Variants in DAGLA observed in about 807,000 individuals in gnomAD.
DAGLA encodes diacylglycerol lipase-alpha.
Under a neutral mutation model 102.6 loss-of-function variants are expected in DAGLA, and 22 were observed. That is an observed-to-expected ratio of 0.21 (90% CI 0.15 to 0.31). The LOEUF is 0.31. DAGLA is among the 10% of genes least tolerant of loss of function. The pLI is 1.00. For missense variants in DAGLA, 927 were observed against 1,446.6 expected, an observed-to-expected ratio of 0.64 and a Z score of 5.83; for synonymous variants, 578 against 628.9, an observed-to-expected ratio of 0.92 and a Z score of 1.21.
At chr11:61,712,955 C>T (rs1161950392) in intron 1 of DAGLA, among the ~76,000 whole-genome samples, 1 of 152,168 alleles carries the variant, frequency 6.6e-6, no homozygotes, top group Non-Finnish European at 1.5e-5. Flanking sequence ...TTCGTGCAAA[C>T]CATTTTGCCT....
At chr11:61,736,222 C>A (rs1346972913) in intron 12 of DAGLA, 48 bp from the exon 13 acceptor site, 2 of 1,514,464 alleles carry the variant, frequency 1.3e-6, no homozygotes, top group South Asian at 1.1e-5. Flanking sequence ...GTTTGCTGGT[C>A]ACTGGGAGGC....
intron 1 of DAGLA, among the ~76,000 whole-genome samples, chr11:61,703,675 A>AT (rs1565250373): frequency 3.2e-5 from 4 of 124,488 alleles, no homozygotes; most frequent in African/African-American, 1.2e-4. Context: ...TGGAGGATGG[A>AT]GGAATGGATG....
intron 5 of DAGLA, among the ~76,000 whole-genome samples, chr11:61,725,135 G>A (rs1174339781): frequency 6.6e-6 from 1 of 152,172 alleles, no homozygotes; most frequent in Non-Finnish European, 1.5e-5. Context: ...CTTTTAAGGG[G>A]CCGCACATGG....
rs1275483065 is a variant in DAGLA, at chr11:61,745,919, GT to G, written c.*1432del. On this transcript the variant is annotated 3_prime_UTR_variant, in exon 20 of 20. Transcript: ENST00000257215. ...ACAAGCTCAGCTTTAGGCACCATCT[GT>G]TCCCATCGCGCCTGCTGCTGTGACC... The G allele has an allele frequency of 6.6e-6, 1 of 152,434 alleles. No homozygotes were observed. Among genetic ancestry groups the G allele is most frequent in the African/African-American group, 2.4e-5 (1 of 41,454 alleles). The allele number at this position is 152,434 out of a possible 1,614,324, so 9.4% of individuals were successfully genotyped here.
chr11:61,696,069 T>TC (rs1343867025), intron 1 of DAGLA, among the ~76,000 whole-genome samples: 3 of 152,118 alleles, frequency 2.0e-5, no homozygotes, highest in Non-Finnish European at 2.9e-5. Context: ...CTCCTCCCTG[T>TC]CCCCACCACC....
rs1206104277 is a variant in DAGLA, at chr11:61,735,923, AAG to A, written c.1290+111_1290+112del. On this transcript the variant is annotated intron_variant, in intron 12 of 19. Transcript: ENST00000257215. ...CCTCCCTGCTCGCTGGGCTCACTGG[AAG>A]AGATTGGTCAGAGAGGCATGAATTA... 3.6e-6 allele frequency: 4 copies of A among 1,097,132 alleles called. No homozygotes were observed. In the East Asian group the frequency reaches 1.0e-4, roughly 28 times the overall value. 68.0% of individuals were successfully genotyped at this position (1,097,132 alleles called of 1,614,324 possible).
intron 9 of DAGLA, 42 bp downstream of exon 9, chr11:61,731,483 TCCCGGGTGGTGTGTGAGGAAG>T: frequency 1.2e-6 from 2 of 1,606,828 alleles, no homozygotes; most frequent in Non-Finnish European, 1.7e-6. Flanking sequence ...GCACCTCTCC[TCCCGGGTGGTGTGTGAGGAAG>T]GGCTACCGGG....
At chr11:61,736,120 C>A in intron 12 of DAGLA, 150 bp from the exon 13 acceptor site, 1 of 664,510 alleles carries the variant, frequency 1.5e-6, no homozygotes. Context: ...GTGACAGGAT[C>A]AGCGTGTCTG....
intron 3 of DAGLA, among the ~76,000 whole-genome samples, chr11:61,722,327 T>A (rs1469381491): frequency 6.6e-6 from 1 of 152,214 alleles, no homozygotes; most frequent in African/African-American, 2.4e-5. Flanking sequence ...GGCTCATGCC[T>A]GTAATCCCAG....
intron 1 of DAGLA, among the ~76,000 whole-genome samples, chr11:61,695,559 C>T (rs2065058341): frequency 6.6e-6 from 1 of 152,234 alleles, no homozygotes; most frequent in South Asian, 2.1e-4. Flanking sequence ...GAGCCTCCCA[C>T]CCCGCTCCAG....
In DAGLA at chr11:61,734,809, G is replaced by C; in HGVS notation, c.975-40G>C. 1 of 1,584,128 alleles carries C rather than the reference G, an allele frequency of 6.3e-7. No individual in the cohort carries two copies. Among genetic ancestry groups the C allele is most frequent in the Non-Finnish European group, 8.6e-7 (1 of 1,158,364 alleles). ...TGGCAGGAGACATTTGTTCCCTCGGGGACTCCCTGGCCCTGAACTCTCTTG... is the reference window on the plus strand; with the variant it reads ...TGGCAGGAGACATTTGTTCCCTCGGCGACTCCCTGGCCCTGAACTCTCTTG... On this transcript the variant is annotated intron_variant, in intron 9 of 19. Transcript: ENST00000257215. This position sits in a 1 kb window ranked among gnomAD's most constrained non-coding sequence, Gnocchi z 4.2.
intron 1 of DAGLA, among the ~76,000 whole-genome samples, chr11:61,697,663 C>T (rs2065077697): frequency 6.6e-6 from 1 of 152,082 alleles, no homozygotes; most frequent in Non-Finnish European, 1.5e-5. Flanking sequence ...CAGATATTCT[C>T]CTGTTTTTTT....
intron 10 of DAGLA, among the ~76,000 whole-genome samples, 180 bp from the exon 11 acceptor site, chr11:61,735,381 G>A (rs1294369732): frequency 6.6e-6 from 1 of 152,200 alleles, no homozygotes; most frequent in Non-Finnish European, 1.5e-5. Flanking sequence ...GGGCAGGCCT[G>A]TGGCTGGGAT....
chr11:61,717,201 T>G (rs1591039037), intron 1 of DAGLA, among the ~76,000 whole-genome samples: 1 of 152,244 alleles, frequency 6.6e-6, no homozygotes, highest in South Asian at 2.1e-4. Context: ...TTCCTCCAGA[T>G]GAAATCACAT....
At chr11:61,724,198 G>A (rs2065306426) in intron 5 of DAGLA, among the ~76,000 whole-genome samples, 2 of 152,246 alleles carry the variant, frequency 1.3e-5, no homozygotes, top group South Asian at 2.1e-4. Context: ...AAAGATGGGG[G>A]AAAGTGTGCC....
chr11:61,710,292 G>C (rs577024974), intron 1 of DAGLA, among the ~76,000 whole-genome samples: 98 of 151,878 alleles, frequency 6.5e-4, no homozygotes, highest in Non-Finnish European at 1.0e-3. Context: ...GGGTGACTCT[G>C]GGGGGAGGAG....
In DAGLA at chr11:61,725,986, G is replaced by A. The variant is rs750737250; in HGVS notation, c.549-9G>A. ...TGACCTCACACATACCGCCTCTCCT[G>A]CTTTGCAGGCACCGCTTAGAGGAGG... On this transcript the variant is annotated splice_polypyrimidine_tract_variant and intron_variant, in intron 5 of 19. Transcript: ENST00000257215. The A allele has an allele frequency of 4.3e-6, 7 of 1,613,246 alleles. No homozygotes were observed. The East Asian group carries it at 1.6e-4, about 36-fold the overall frequency.
rs1293191002 is a variant in DAGLA at position 61,723,645 on chromosome 11, AG to A, written c.548+74del. The A allele has an allele frequency of 3.2e-6, 5 of 1,568,970 alleles. No homozygotes were observed. In the African/African-American group the frequency reaches 6.8e-5, roughly 21 times the overall value. Reference sequence around the variant, plus strand: ...TGGTGAGCAGAGGTCTCCATTCTTCAGAAGGCTACCCCAGGCCTCCCAGACT... The same window carrying A: ...TGGTGAGCAGAGGTCTCCATTCTTCAAAGGCTACCCCAGGCCTCCCAGACT... On this transcript the variant is annotated intron_variant, in intron 5 of 19. Transcript: ENST00000257215.
rs149360213 is a variant in DAGLA, at chr11:61,743,606, C to T, written c.2246C>T (p.Ala749Val). The part of the protein sequence containing the change: ...GRLLSPVVAA[A>V]ARQDPVELLL... ...CTGCTGTCGCCAGTGGTTGCGGCGG[C>T]GGCCCGCCAGGACCCGGTGGAGCTG... Residue 749 changes from alanine to valine, a missense_variant, in exon 20 of 20, where the codon GCG (alanine) becomes GTG (valine). Ala to Val is a moderately conservative substitution (Grantham distance 64). Around this residue, in one of 4 missense-constraint regions of DAGLA, gnomAD observed 434 missense variants for 503.3 expected, o/e 0.86. Transcript: ENST00000257215. The T allele has an allele frequency of 4.3e-4, 682 of 1,575,452 alleles. 3 individuals carry two copies. In the African/African-American group the frequency reaches 6.9e-3, roughly 16 times the overall value.
Sources: gnomAD v4.1 joint callset for allele counts (sites outside exome capture counted in the v4.1 genomes callset) on GRCh38, gnomAD v4.1.1 for gene constraint, gnomAD v4.1.1 regional missense constraint, Gnocchi (gnomAD v3.1) non-coding constraint, MANE v1.5 for transcripts, NCBI Gene and HGNC (gene_info 2026-07-23, HGNC 2026-07-21) for gene names.